The following TCF4 variants were observed in gnomAD, a reference collection of about 807,000 sequenced individuals.
The protein encoded by TCF4 is transcription factor 4.
Under a neutral mutation model 82.1 loss-of-function variants are expected in TCF4, and 3 were observed. The observed-to-expected ratio is 0.04, with a 90% CI of 0.02 to 0.09. TCF4 has a LOEUF of 0.09. Among genes scored for constraint, TCF4 ranks in the 10% least tolerant of loss-of-function variants. The probability of loss-of-function intolerance (pLI) is 1.00; values close to 1 mark genes in which losing one functional copy is unlikely to be tolerated. For missense variants in TCF4, 518 were observed against 852.7 expected (o/e 0.61, Z 4.89); for synonymous variants, 276 against 309.6 (o/e 0.89, Z 1.14).
chr18:55,594,228 T>A (rs548408153), intron 2 of TCF4, among the ~76,000 whole-genome samples: 13 of 152,280 alleles, frequency 8.5e-5, no homozygotes, highest in Admixed American at 2.0e-4. Flanking sequence ...AAACATCACC[T>A]CCTCCTACAG....
intron 2 of TCF4, among the ~76,000 whole-genome samples, chr18:55,615,579 A>G (rs1294449549): frequency 6.6e-6 from 1 of 152,104 alleles, no homozygotes; most frequent in Non-Finnish European, 1.5e-5. Context: ...AAAAATAGCA[A>G]GACCATCTTT....
At chr18:55,331,121 G>A (rs1439539074) in intron 8 of TCF4, among the ~76,000 whole-genome samples, 1 of 151,946 alleles carries the variant, frequency 6.6e-6, no homozygotes, top group Non-Finnish European at 1.5e-5. Context: ...AGATTTTCAG[G>A]GAAGAGACAG....
At chr18:55,403,703 A>C (rs1459483664) in intron 5 of TCF4, 185 bp from the exon 6 acceptor site, 5 of 1,543,802 alleles carry the variant, frequency 3.2e-6, no homozygotes, top group Non-Finnish European at 2.6e-6. Context: ...ACTGGAAAAA[A>C]ATATCCTTCA....
intron 6 of TCF4, among the ~76,000 whole-genome samples, chr18:55,381,649 C>T (rs1259008606): frequency 1.3e-5 from 2 of 152,314 alleles, no homozygotes; most frequent in Non-Finnish European, 1.5e-5. Flanking sequence ...CAAAGGGAAA[C>T]CAGCTATGTG....
chr18:55,257,679 A>C lies in TCF4; in HGVS notation c.1070-288T>G, dbSNP rs1349542688. On this transcript the variant is annotated intron_variant, in intron 13 of 19. Coordinates refer to ENST00000354452, the MANE Select transcript of TCF4 (RefSeq NM_001083962.2). ...TGGTAAGAAGGGTTCCTGTGGAAGA[A>C]AAACTATCACCATGGAATCAAGGTA... 1.1e-4 allele frequency among the ~76,000 whole-genome samples: 17 copies of C among 152,326 alleles called. 1 individual carries two copies. The highest frequency in any genetic ancestry group is 1.0e-3 in the Admixed American group (16 of 15,286).
At chr18:55,463,964 G>GTGTC in intron 4 of TCF4, 112 bp downstream of exon 4, 1 of 818,330 alleles carries the variant, frequency 1.2e-6, no homozygotes, top group Non-Finnish European at 2.1e-6. Flanking sequence ...GTGTGTGTGT[G>GTGTC]TGTGTGTGTG....
intron 15 of TCF4, among the ~76,000 whole-genome samples, chr18:55,243,609 T>TTTGA (rs2052065666): frequency 1.3e-5 from 2 of 152,216 alleles, no homozygotes; most frequent in South Asian, 4.1e-4. Flanking sequence ...TGTTTGTTTG[T>TTTGA]TTTTTGAGAA....
intron 2 of TCF4, among the ~76,000 whole-genome samples, chr18:55,603,342 A>C (rs2097699117): frequency 6.6e-6 from 1 of 152,194 alleles, no homozygotes; most frequent in South Asian, 2.1e-4. Context: ...TGAACTTCTC[A>C]GAGGTACAGT....
intron 5 of TCF4, among the ~76,000 whole-genome samples, chr18:55,416,259 C>T (rs537714505): frequency 6.6e-6 from 1 of 152,044 alleles, no homozygotes; most frequent in Non-Finnish European, 1.5e-5. Flanking sequence ...AAAAAATTAA[C>T]TCATAAAAGC....
rs183327748 is a variant in TCF4, at chr18:55,476,280, T to A, written c.146-12143A>T. ...CACATTTAGAGAGCAGGTATACAAATGAACTAGCCACCTCACAAAGTGAAG... is the reference window on the plus strand; with the variant it reads ...CACATTTAGAGAGCAGGTATACAAAAGAACTAGCCACCTCACAAAGTGAAG... On this transcript the variant is annotated intron_variant, in intron 3 of 19. Transcript: ENST00000354452. Among the ~76,000 whole-genome samples the A allele has an allele frequency of 2.2e-3, 341 of 152,202 alleles. 1 individual carries two copies. Among genetic ancestry groups the A allele is most frequent in the Non-Finnish European group, 2.5e-3 (167 of 68,002 alleles).
chr18:55,453,965 T>C (rs2095680562), intron 5 of TCF4, among the ~76,000 whole-genome samples: 1 of 152,012 alleles, frequency 6.6e-6, no homozygotes, highest in African/African-American at 2.4e-5. Context: ...CAGCCTCCAG[T>C]AGTCCTTCCA....
intron 8 of TCF4, chr18:55,302,659 C>T: frequency 4.1e-6 from 6 of 1,474,218 alleles, no homozygotes; most frequent in Non-Finnish European, 4.5e-6. Flanking sequence ...AGGCCTGTGG[C>T]TGGCCTAGGG....
chr18:55,617,887 CTGAAACCAGAAAAAATT>C (rs540464237), intron 2 of TCF4, among the ~76,000 whole-genome samples: 27 of 149,842 alleles, frequency 1.8e-4, no homozygotes, highest in African/African-American at 6.6e-4. Flanking sequence ...ATCATATCAT[CTGAAACCAGAAAAAATT>C]TTACTTCTTC....
intron 3 of TCF4, among the ~76,000 whole-genome samples, chr18:55,563,082 T>C (rs1161808423): frequency 6.6e-6 from 1 of 151,688 alleles, no homozygotes; most frequent in Non-Finnish European, 1.5e-5. Flanking sequence ...TTTACAATAA[T>C]ACAAAAATCA....
chr18:55,245,743 G>A (rs1318815271), intron 15 of TCF4, among the ~76,000 whole-genome samples: 1 of 152,094 alleles, frequency 6.6e-6, no homozygotes, highest in Non-Finnish European at 1.5e-5. Context: ...TCGAATATGA[G>A]CTCAATGGCA....
At chr18:55,458,775 T>C (rs952884063) in intron 5 of TCF4, among the ~76,000 whole-genome samples, 1 of 152,202 alleles carries the variant, frequency 6.6e-6, no homozygotes, top group Non-Finnish European at 1.5e-5. Context: ...AAAAAAATTA[T>C]TCTTCTCTAA....
intron 3 of TCF4, among the ~76,000 whole-genome samples, chr18:55,564,158 G>A (rs2097380344): frequency 6.6e-6 from 1 of 152,212 alleles, no homozygotes; most frequent in Non-Finnish European, 1.5e-5. Flanking sequence ...TCTACTGCAT[G>A]TGCAAAGGCC....
intron 3 of TCF4, among the ~76,000 whole-genome samples, chr18:55,575,349 A>G (rs1042928685): frequency 6.6e-6 from 1 of 152,226 alleles, no homozygotes; most frequent in Non-Finnish European, 1.5e-5. Context: ...ACATCGTTTA[A>G]TATTTCTTTT....
chr18:55,562,354 T>C (rs2147337402), intron 3 of TCF4, among the ~76,000 whole-genome samples: 1 of 152,328 alleles, frequency 6.6e-6, no homozygotes, highest in East Asian at 1.9e-4. Flanking sequence ...AGCTAAGAGG[T>C]AAAATGGTAA....
Sources: allele counts gnomAD v4.1 joint callset (sites outside exome capture counted in the v4.1 genomes callset), GRCh38; gene constraint gnomAD v4.1.1; transcripts MANE v1.5; gene names NCBI Gene and HGNC (gene_info 2026-07-23, HGNC 2026-07-21).